DPP9: variants seen among roughly 807,000 people sequenced by gnomAD.
The protein encoded by DPP9 is dipeptidyl peptidase IV-related protein-2.
DPP9 carries 50 observed loss-of-function variants against 110.7 expected under a neutral mutation model. The ratio of observed to expected loss-of-function variants is 0.45; its 90% CI spans 0.36 to 0.57. The LOEUF (loss-of-function observed/expected upper bound fraction) is 0.57. Ranked by LOEUF, DPP9 falls within the 20% of genes least tolerant of loss-of-function variation. The pLI is 0.00. For missense variants in DPP9, 1,022 were observed against 1,217.9 expected (o/e 0.84, Z 2.39); for synonymous variants, 561 against 514.4 (o/e 1.09, Z -1.23).
At chr19:4,707,551 T>C (rs2092645223) in intron 4 of DPP9, among the ~76,000 whole-genome samples, 1 of 151,468 alleles carries the variant, frequency 6.6e-6, no homozygotes, top group South Asian at 2.1e-4. Context: ...ACCCTGAGTT[T>C]CTCCAGGACG....
At chr19:4,713,606 C>T (rs955981500) in intron 4 of DPP9, among the ~76,000 whole-genome samples, 14 of 152,228 alleles carry the variant, frequency 9.2e-5, no homozygotes, top group Non-Finnish European at 1.8e-4. Flanking sequence ...TTTCCCGGAA[C>T]CTCGGGATCC....
rs1438132294 is a variant in DPP9, at chr19:4,694,867, G to T, written c.1354-44C>A. On this transcript the variant is annotated intron_variant, in intron 12 of 21. Transcript: ENST00000262960. The surrounding 1 kb of genome is among the most constrained non-coding windows in gnomAD (Gnocchi z 4.0). ...GAAGATGCGTCAGAAGGTGTGGGTG[G>T]CCGGGCATGGTGGCTCACACCAGTA... is the stretch of plus-strand genomic sequence containing the variant. 6.3e-7 allele frequency: 1 copy of T among 1,598,312 alleles called. No individual in the cohort carries two copies.
At chr19:4,683,356 C>G (rs2090195753) in intron 19 of DPP9, 121 bp downstream of exon 19, 1 of 1,506,416 alleles carries the variant, frequency 6.6e-7, no homozygotes, top group Admixed American at 2.1e-5. Context: ...TGGCAAGGCC[C>G]CTGCCGAGGC....
chr19:4,702,757 C>T, intron 7 of DPP9, 41 bp from the exon 8 acceptor site: 1 of 1,347,666 alleles, frequency 7.4e-7, no homozygotes, highest in Non-Finnish European at 1.0e-6. Flanking sequence ...GGGTGAGCAG[C>T]CTGCTAACAC....
chr19:4,705,256 C>T (rs561899766), intron 5 of DPP9, among the ~76,000 whole-genome samples: 23 of 152,262 alleles, frequency 1.5e-4, no homozygotes, highest in South Asian at 1.2e-3. Context: ...GACTGGGATT[C>T]GCTGTCTCCC....
In DPP9 at chr19:4,700,642, G is replaced by C. The variant is rs1490017035; in HGVS notation, c.1013-365C>G. Among the ~76,000 whole-genome samples the C allele has an allele frequency of 6.6e-6, 1 of 152,224 alleles. No homozygotes were observed. Among genetic ancestry groups the C allele is most frequent in the Non-Finnish European group, 1.5e-5 (1 of 68,038 alleles). On this transcript the variant is annotated intron_variant, in intron 9 of 21. Coordinates refer to ENST00000262960, the MANE Select transcript of DPP9 (RefSeq NM_139159.5). This position sits in a 1 kb window ranked among gnomAD's most constrained non-coding sequence, Gnocchi z 4.3. ...CCTTGGGAGAGCTCCAGAGCAGACG[G>C]TGAAGCCCGAGGCATCACAGTAAAA...
intron 10 of DPP9, among the ~76,000 whole-genome samples, chr19:4,699,158 C>CAAAAAAAAA (rs144927941): frequency 2.0e-5 from 1 of 50,904 alleles, no homozygotes; most frequent in African/African-American, 7.0e-5. Context: ...GACTCCACCT[C>CAAAAAAAAA]AAAAAAAAAA....
At chr19:4,688,921 A>G (rs769182553) in intron 15 of DPP9, 29 bp from the exon 16 acceptor site, 1 of 1,507,184 alleles carries the variant, frequency 6.6e-7, no homozygotes, top group African/African-American at 1.5e-5. Flanking sequence ...GATGAGCTCC[A>G]CGGGATGCCG....
intron 13 of DPP9, among the ~76,000 whole-genome samples, chr19:4,692,775 G>T (rs1196380854): frequency 6.6e-6 from 1 of 152,158 alleles, no homozygotes; most frequent in Non-Finnish European, 1.5e-5. Context: ...AAATCCCAAT[G>T]CCAGATGGCG....
intron 3 of DPP9, among the ~76,000 whole-genome samples, chr19:4,715,045 T>TTC (rs2093016833): frequency 1.9e-5 from 2 of 102,848 alleles, no homozygotes; most frequent in African/African-American, 4.7e-5. Context: ...TTTTTTTTTT[T>TTC]GGAGACAGAG....
At position 4,688,786 on chromosome 19, in the gene DPP9, C is replaced by T. The variant is rs371771786; in HGVS notation, c.1856G>A (p.Arg619His). 9.5e-6 allele frequency: 14 copies of T among 1,467,564 alleles called. No individual in the cohort carries two copies. The highest frequency in any genetic ancestry group is 5.9e-5 in the African/African-American group (4 of 67,398). The allele number at this position is 1,467,564 out of a possible 1,614,324, so 90.9% of individuals were successfully genotyped here. A position where few individuals can be genotyped will look rare whatever the true frequency, so the allele number is the denominator to read the frequency against. ...TGCCTCCATCATGCTAGCCCAGAAG[C>T]GGGGCTGCTTGTGCAGGGGGTCGTC... ...PDDDPLHKQP[R>H]FWASMMEAAS... Residue 619 changes from arginine to histidine, a missense_variant, in exon 16 of 22, where the codon CGC (arginine) becomes CAC (histidine). By Grantham distance (29) the Arg-to-His change is conservative (BLOSUM62 0). Coordinates refer to ENST00000262960, the MANE Select transcript of DPP9 (RefSeq NM_139159.5).
At chr19:4,702,294 G>A (rs1165561094) in intron 8 of DPP9, 139 bp from the exon 9 acceptor site, 9 of 1,209,468 alleles carry the variant, frequency 7.4e-6, no homozygotes, top group South Asian at 1.6e-5. Context: ...TCTGCCATTC[G>A]CTAGACCTTA....
chr19:4,719,708 T>G, intron 3 of DPP9, 143 bp downstream of exon 3: 1 of 987,440 alleles, frequency 1.0e-6, no homozygotes, highest in Non-Finnish European at 1.5e-6. Flanking sequence ...CCTCCTCGCT[T>G]GAAATAACCA....
At chr19:4,690,780 A>T in intron 14 of DPP9, 98 bp downstream of exon 14, 1 of 914,770 alleles carries the variant, frequency 1.1e-6, no homozygotes, top group East Asian at 2.6e-5. Context: ...TATGTGTGTG[A>T]GTGTATGTGT....
At position 4,694,661 on chromosome 19, in the gene DPP9, C is replaced by T. The variant is rs1433117704; in HGVS notation, c.1516G>A (p.Asp506Asn). The T allele has an allele frequency of 6.2e-7, 1 of 1,610,198 alleles. No homozygotes were observed. ...DWSEPFSPGE[D>N]EFKCPIKEEI... The stretch of plus-strand genomic sequence containing the variant: ...ACAGCATTCGTCAGGCTCTGCTCAC[C>T]TTCCCCGGGGCTGAAGGGCTCACTC... Residue 506 changes from aspartate to asparagine, a missense_variant and splice_region_variant, in exon 13 of 22, where the codon GAT becomes AAT. Around this residue, in one of 3 missense-constraint regions of DPP9, gnomAD observed 810 missense variants for 920.6 expected, o/e 0.88. Coordinates refer to ENST00000262960, the MANE Select transcript of DPP9 (RefSeq NM_139159.5). The surrounding 1 kb of genome is among the most constrained non-coding windows in gnomAD (Gnocchi z 4.0).
At position 4,676,227 on chromosome 19, in the gene DPP9, C is replaced by A. The variant is rs1046391945; in HGVS notation, c.*337G>T. 3.4e-6 allele frequency: 1 copy of A among 293,888 alleles called. No homozygotes were observed. Among genetic ancestry groups the A allele is most frequent in the East Asian group, 7.6e-5 (1 of 13,200 alleles). The allele number at this position is 293,888 out of a possible 1,614,324, so 18.2% of individuals were successfully genotyped here. A position where few individuals can be genotyped will look rare whatever the true frequency, so the allele number is the denominator to read the frequency against. On this transcript the variant is annotated 3_prime_UTR_variant, in exon 22 of 22. Coordinates refer to ENST00000262960, the MANE Select transcript of DPP9 (RefSeq NM_139159.5). The surrounding 1 kb of genome is among the most constrained non-coding windows in gnomAD (Gnocchi z 4.0). The stretch of plus-strand genomic sequence containing the variant: ...CTGAGAGGTCACAGGGAGCCCCAGG[C>A]GGAAGGCAGCCCGCTCCTCTGAGTC...
rs766634020 is a variant in DPP9, at chr19:4,682,963, G to C, written c.2332-125C>G. On this transcript the variant is annotated intron_variant, in intron 19 of 21. Coordinates refer to ENST00000262960, the MANE Select transcript of DPP9 (RefSeq NM_139159.5). The surrounding 1 kb of genome is among the most constrained non-coding windows in gnomAD (Gnocchi z 7.1). ...CCCGTGAGGAGCGCTCATGCACATGGGGCCGGCAAGGAAGGGGCCCTCAGA... is the reference window on the plus strand; with the variant it reads ...CCCGTGAGGAGCGCTCATGCACATGCGGCCGGCAAGGAAGGGGCCCTCAGA... 6 of 1,533,648 alleles carry C rather than the reference G, an allele frequency of 3.9e-6. No individual in the cohort carries two copies. Among genetic ancestry groups the C allele is most frequent in the Non-Finnish European group, 4.4e-6 (5 of 1,146,034 alleles).
rs1216627760 is a variant in DPP9, at chr19:4,719,936, G to C, written c.-30C>G. ...CGCTCAGCTGACCTCAGGAGGGCAGGGGTGCCTGCGGGCAAGTGGGAGGAG... is the reference window on the plus strand; with the variant it reads ...CGCTCAGCTGACCTCAGGAGGGCAGCGGTGCCTGCGGGCAAGTGGGAGGAG... On this transcript the variant is annotated 5_prime_UTR_variant, in exon 3 of 22. Transcript: ENST00000262960. The C allele has an allele frequency of 5.2e-6, 8 of 1,551,424 alleles. No individual in the cohort carries two copies. Among genetic ancestry groups the C allele is most frequent in the Non-Finnish European group, 7.0e-6 (8 of 1,146,916 alleles).
In DPP9 at chr19:4,687,554, CCT is replaced by C. The variant is rs1289019261; in HGVS notation, c.1885+1201_1885+1202del. Among the ~76,000 whole-genome samples, 4 of 152,184 alleles carry C rather than the reference CCT, an allele frequency of 2.6e-5. No homozygotes were observed. The highest frequency in any genetic ancestry group is 2.0e-4 in the Admixed American group (3 of 15,274). The stretch of plus-strand genomic sequence containing the variant: ...AGGTTGCCTCATTTCCTGAGGCCCC[CCT>C]GTGACTGACCCTTTGCTCCTTTTCC... On this transcript the variant is annotated intron_variant, in intron 16 of 21. Transcript: ENST00000262960. The surrounding 1 kb of genome is among the most constrained non-coding windows in gnomAD (Gnocchi z 4.7).
Sources: gnomAD v4.1 joint callset for allele counts (sites outside exome capture counted in the v4.1 genomes callset) on GRCh38, gnomAD v4.1.1 for gene constraint, gnomAD v4.1.1 regional missense constraint, Gnocchi (gnomAD v3.1) non-coding constraint, MANE v1.5 for transcripts, NCBI Gene and HGNC (gene_info 2026-07-23, HGNC 2026-07-21) for gene names.